GPM6A: variants seen among roughly 807,000 people sequenced by gnomAD.
GPM6A encodes the protein neuronal membrane glycoprotein M6-a.
GPM6A carries 7 observed loss-of-function variants against 32.1 expected under a neutral mutation model. The ratio of observed to expected loss-of-function variants is 0.22; its 90% CI spans 0.12 to 0.41. The LOEUF (loss-of-function observed/expected upper bound fraction) is 0.41, where lower values mean the gene tolerates loss of function less well. Among genes scored for constraint, GPM6A ranks in the 10% least tolerant of loss-of-function variants. The pLI, the probability that GPM6A is intolerant of heterozygous loss-of-function variation, is 1.00. For synonymous variants in GPM6A, 130 were observed against 123.4 expected, an observed-to-expected ratio of 1.05 and a Z score of -0.35; for missense variants, 235 against 347.2, an observed-to-expected ratio of 0.68 and a Z score of 2.57.
chr4:175,843,710 A>G (rs549411268), intron 1 of GPM6A, among the ~76,000 whole-genome samples: 4 of 152,094 alleles, frequency 2.6e-5, no homozygotes, highest in Non-Finnish European at 5.9e-5. Flanking sequence ...AGGGTCCCAC[A>G]TTTTCATTTT....
intron 1 of GPM6A, among the ~76,000 whole-genome samples, chr4:175,940,134 G>C (rs918353476): frequency 2.0e-5 from 3 of 152,108 alleles, no homozygotes; most frequent in Non-Finnish European, 2.9e-5. Context: ...TAATAAAATA[G>C]GTAAGGTGAC....
chr4:175,834,422 T>A (rs1364392956), intron 1 of GPM6A, among the ~76,000 whole-genome samples: 1 of 152,220 alleles, frequency 6.6e-6, no homozygotes, highest in Non-Finnish European at 1.5e-5. Context: ...GAATTTTCAG[T>A]ACCCTGACTC....
At chr4:175,866,825 T>A (rs1018882949) in intron 1 of GPM6A, among the ~76,000 whole-genome samples, 2 of 152,204 alleles carry the variant, frequency 1.3e-5, no homozygotes, top group African/African-American at 4.8e-5. Flanking sequence ...TGTTTACTTT[T>A]GTAAGAAACC....
chr4:175,901,628 C>CTTTTTTTTTTTTTTTCTTTTTTTT (rs59461626), intron 1 of GPM6A, among the ~76,000 whole-genome samples: 3 of 127,032 alleles, frequency 2.4e-5, no homozygotes, highest in Admixed American at 8.7e-5. Context: ...TTTTCTTTTT[C>CTTTTTTTTTTTTTTTCTTTTTTTT]TTTTTTTTTT....
intron 1 of GPM6A, among the ~76,000 whole-genome samples, chr4:175,852,482 T>C (rs999607699): frequency 6.6e-6 from 1 of 152,206 alleles, no homozygotes; most frequent in Non-Finnish European, 1.5e-5. Context: ...AAAATTCTAA[T>C]ACATTTCCAC....
intron 3 of GPM6A, among the ~76,000 whole-genome samples, chr4:175,664,508 T>C (rs1274055266): frequency 6.6e-6 from 1 of 152,226 alleles, no homozygotes; most frequent in Non-Finnish European, 1.5e-5. Flanking sequence ...CTCTAAAAAA[T>C]AAAGTTAACT....
chr4:175,745,179 A>T (rs1217457700), intron 1 of GPM6A, among the ~76,000 whole-genome samples: 1 of 152,190 alleles, frequency 6.6e-6, no homozygotes, highest in East Asian at 1.9e-4. Flanking sequence ...CAAAATATTC[A>T]TGCGCTAAAT....
At chr4:175,682,959 T>C (rs946588497) in intron 2 of GPM6A, among the ~76,000 whole-genome samples, 3 of 152,190 alleles carry the variant, frequency 2.0e-5, no homozygotes, top group Non-Finnish European at 4.4e-5. Context: ...CACTGCCTAG[T>C]GGAACTGTGA....
chr4:175,938,748 A>AAG (rs386402378), intron 1 of GPM6A, among the ~76,000 whole-genome samples: 1 of 151,728 alleles, frequency 6.6e-6, no homozygotes, highest in Non-Finnish European at 1.5e-5. Flanking sequence ...AAAAAAAAAA[A>AAG]AGAAATGACA....
chr4:175,930,440 T>A (rs1738995471), intron 1 of GPM6A, among the ~76,000 whole-genome samples: 1 of 128,938 alleles, frequency 7.8e-6, no homozygotes, highest in African/African-American at 2.8e-5. Flanking sequence ...GGGGGTTTTT[T>A]TGTTGTTGTT....
At chr4:175,850,038 C>T (rs1029064661) in intron 1 of GPM6A, among the ~76,000 whole-genome samples, 2 of 152,062 alleles carry the variant, frequency 1.3e-5, no homozygotes, top group African/African-American at 4.8e-5. Flanking sequence ...TGACATCCAC[C>T]CTCATGTGCT....
intron 1 of GPM6A, among the ~76,000 whole-genome samples, chr4:175,836,239 C>T (rs1579554141): frequency 1.3e-5 from 2 of 152,102 alleles, no homozygotes; most frequent in Admixed American, 6.6e-5. Context: ...TCTATACATA[C>T]AGCAAGCCTA....
intron 1 of GPM6A, among the ~76,000 whole-genome samples, chr4:175,869,477 A>C (rs1463824631): frequency 5.9e-5 from 9 of 152,044 alleles, no homozygotes; most frequent in African/African-American, 2.2e-4. Context: ...ACAAAACTAC[A>C]TCTGGGCATG....
intron 2 of GPM6A, among the ~76,000 whole-genome samples, chr4:175,681,819 G>A (rs76761516): frequency 0.05 from 7,544 of 152,192 alleles, 211 homozygotes; most frequent in Non-Finnish European, 0.063. Flanking sequence ...TTTACTAATT[G>A]CCCAGTTTCA....
At chr4:175,651,231 C>T (rs1205854609) in intron 4 of GPM6A, among the ~76,000 whole-genome samples, 2 of 151,694 alleles carry the variant, frequency 1.3e-5, no homozygotes, top group African/African-American at 2.4e-5. Context: ...GAGAAGTAAA[C>T]AATGTGACAC....
chr4:175,713,045 A>G (rs951960023), intron 1 of GPM6A, among the ~76,000 whole-genome samples: 17 of 152,204 alleles, frequency 1.1e-4, no homozygotes, highest in African/African-American at 3.1e-4. Flanking sequence ...AGTAGACTAA[A>G]AAGCTCCCTG....
intron 1 of GPM6A, among the ~76,000 whole-genome samples, chr4:175,964,242 A>G (rs1226797189): frequency 6.6e-6 from 1 of 151,574 alleles, no homozygotes; most frequent in African/African-American, 2.4e-5. Flanking sequence ...AAAAAAAAAG[A>G]GAGAGACTAA....
chr4:175,965,401 A>C (rs1043862003), intron 1 of GPM6A, among the ~76,000 whole-genome samples: 12 of 152,162 alleles, frequency 7.9e-5, no homozygotes, highest in African/African-American at 2.9e-4. Context: ...AGAGCAAACT[A>C]ACTCTAAAGT....
intron 1 of GPM6A, among the ~76,000 whole-genome samples, chr4:175,945,966 A>G (rs1739591710): frequency 6.6e-6 from 1 of 151,944 alleles, no homozygotes; most frequent in African/African-American, 2.4e-5. Flanking sequence ...TAGTTCCCAC[A>G]TATAAGTAAT....
Sources: gnomAD v4.1 joint callset for allele counts (sites outside exome capture counted in the v4.1 genomes callset) on GRCh38, gnomAD v4.1.1 for gene constraint, MANE v1.5 for transcripts, NCBI Gene and HGNC (gene_info 2026-07-23, HGNC 2026-07-21) for gene names.